EEA1: variants seen among roughly 807,000 people sequenced by gnomAD.
EEA1 encodes the protein early endosome antigen 1.
Under a neutral mutation model 209.2 loss-of-function variants are expected in EEA1, and 111 were observed. That is an observed-to-expected ratio of 0.53 (90% confidence interval 0.45 to 0.62). The LOEUF (loss-of-function observed/expected upper bound fraction) is 0.62, where lower values mean the gene tolerates loss of function less well. Among genes scored for constraint, EEA1 ranks in the 20% least tolerant of loss-of-function variants. The pLI is 0.00. For missense variants in EEA1, 1,343 were observed against 1,530.8 expected (o/e 0.88, Z 2.05); for synonymous variants, 536 against 540.6 (o/e 0.99, Z 0.12).
intron 2 of EEA1, among the ~76,000 whole-genome samples, chr12:92,885,609 GTCCCCAGTTAACAGCACCTCTCTAATGT>G (rs1287537939): frequency 6.6e-6 from 1 of 152,202 alleles, no homozygotes; most frequent in African/African-American, 2.4e-5. Flanking sequence ...ATTTACGGCA[GTCCCCAGTTAACAGCACCTCTCTAATGT>G]TCCCCAGTTA....
Position 92,788,283 on chromosome 12 carries a change from T to A in EEA1, c.2968-234A>T, listed in dbSNP as rs576417834. On this transcript the variant is annotated intron_variant, in intron 21 of 28. Coordinates refer to ENST00000322349, the MANE Select transcript of EEA1 (RefSeq NM_003566.4). ...AAAGTAATTAATTTTTTTTTTTTTT[T>A]AAAAAGGCATTTCACTGGGAAGTAC... is the stretch of plus-strand genomic sequence containing the variant. 3.2e-3 allele frequency among the ~76,000 whole-genome samples: 483 copies of A among 150,552 alleles called. 5 individuals are homozygous for A. The highest frequency in any genetic ancestry group is 8.7e-3 in the African/African-American group (354 of 40,598).
intron 24 of EEA1, 148 bp downstream of exon 24, chr12:92,780,132 T>C (rs899567974): frequency 1.6e-5 from 13 of 794,598 alleles, no homozygotes; most frequent in Non-Finnish European, 2.4e-5. Context: ...ACAAAAGCAC[T>C]CTGGCAAGAG....
At chr12:92,928,812 G>A (rs1182277925) in intron 1 of EEA1, among the ~76,000 whole-genome samples, 1 of 151,118 alleles carries the variant, frequency 6.6e-6, no homozygotes, top group African/African-American at 2.4e-5. Context: ...GCGCCGGAGC[G>A]GGCGCCAGGC....
At chr12:92,830,111 A>G (rs896712437) in intron 11 of EEA1, among the ~76,000 whole-genome samples, 1 of 152,110 alleles carries the variant, frequency 6.6e-6, no homozygotes, top group Non-Finnish European at 1.5e-5. Flanking sequence ...ATTACACAAC[A>G]CATACATGCA....
At chr12:92,802,370 C>A in intron 19 of EEA1, 34 bp downstream of exon 19, 1 of 1,514,276 alleles carries the variant, frequency 6.6e-7, no homozygotes, top group African/African-American at 1.4e-5. Flanking sequence ...AAAATAATCA[C>A]TTCTACCTAA....
In EEA1 at chr12:92,819,277, T is replaced by C. The variant is rs765300545; in HGVS notation, c.1728+31A>G. Reference sequence around the variant, plus strand: ...AAGACTTAGAGAGACAGAAGTAAATTTTACAAATATAATATATTTTACAAG... The same window carrying C: ...AAGACTTAGAGAGACAGAAGTAAATCTTACAAATATAATATATTTTACAAG... On this transcript the variant is annotated intron_variant, in intron 14 of 28. Transcript: ENST00000322349. 3.3e-6 allele frequency: 5 copies of C among 1,522,622 alleles called. No homozygotes were observed. In the Admixed American group the frequency reaches 8.3e-5, roughly 25 times the overall value. The allele number at this position is 1,522,622 out of a possible 1,614,324, so 94.3% of individuals were successfully genotyped here.
At chr12:92,859,242 C>T (rs1292952664) in intron 3 of EEA1, 2 of 1,611,666 alleles carry the variant, frequency 1.2e-6, no homozygotes, top group Non-Finnish European at 1.7e-6. Flanking sequence ...GGGACAGCTT[C>T]CCATGGGAAG....
At chr12:92,843,841 T>G (rs191774527) in intron 9 of EEA1, among the ~76,000 whole-genome samples, 234 of 152,280 alleles carry the variant, frequency 1.5e-3, no homozygotes, top group Middle Eastern at 0.014. Context: ...TACAAATGAG[T>G]GCTTTCATCT....
At chr12:92,780,460 A>G in intron 23 of EEA1, 49 bp from the exon 24 acceptor site, 2 of 1,271,144 alleles carry the variant, frequency 1.6e-6, no homozygotes, top group Non-Finnish European at 2.1e-6. Flanking sequence ...AAATACTTAA[A>G]TGAAAATGGG....
intron 19 of EEA1, 42 bp downstream of exon 19, chr12:92,802,362 A>G: frequency 6.7e-7 from 1 of 1,493,006 alleles, no homozygotes; most frequent in Non-Finnish European, 9.0e-7. Flanking sequence ...TTTTAAATAA[A>G]ATAATCACTT....
chr12:92,868,727 A>T (rs1250915654), intron 2 of EEA1, among the ~76,000 whole-genome samples: 1 of 152,246 alleles, frequency 6.6e-6, no homozygotes, highest in African/African-American at 2.4e-5. Context: ...AATAAAACTT[A>T]AATTTGGGGA....
chr12:92,778,400 G>C (rs1220565564), intron 25 of EEA1, among the ~76,000 whole-genome samples: 1 of 151,982 alleles, frequency 6.6e-6, no homozygotes, highest in Non-Finnish European at 1.5e-5. Context: ...TGACCATCAT[G>C]ATGGTGAGCT....
rs151242628 is a variant in EEA1, at chr12:92,896,787, A to C, written c.25-5066T>G. 2.9e-4 allele frequency among the ~76,000 whole-genome samples: 44 copies of C among 152,166 alleles called. 1 individual carries two copies. In the East Asian group the frequency reaches 8.5e-3, roughly 29 times the overall value. On this transcript the variant is annotated intron_variant, in intron 1 of 28. Coordinates refer to ENST00000322349, the MANE Select transcript of EEA1 (RefSeq NM_003566.4). ...CTGAAAGAAAAGAAAAAAAGAAAAA[A>C]AAAGAAATTGACACAGCTATCCCAA...
chr12:92,827,637 G>C (rs1876379425), intron 12 of EEA1, among the ~76,000 whole-genome samples: 1 of 152,122 alleles, frequency 6.6e-6, no homozygotes, highest in South Asian at 2.1e-4. Context: ...TTCCTGAGTA[G>C]GAAGACTCTA....
At chr12:92,797,247 C>T (rs1874694272) in intron 21 of EEA1, among the ~76,000 whole-genome samples, 2 of 152,062 alleles carry the variant, frequency 1.3e-5, no homozygotes, top group Admixed American at 6.6e-5. Flanking sequence ...ACCACCATGC[C>T]CAGCTAATTT....
chr12:92,826,320 A>T, intron 12 of EEA1, 35 bp from the exon 13 acceptor site: 1 of 1,583,552 alleles, frequency 6.3e-7, no homozygotes, highest in Non-Finnish European at 8.7e-7. Context: ...TGAGAACTTA[A>T]AGGCATAATG....
chr12:92,852,900 A>C lies in EEA1; in HGVS notation c.520+12T>G. On this transcript the variant is annotated intron_variant, in intron 7 of 28. Transcript: ENST00000322349. ...ATTGATTTATTGGCTAAAAAATTCT[A>C]ACTCAATTTACCTGCAATTTCAGTA... 6.3e-7 allele frequency: 1 copy of C among 1,589,720 alleles called. No homozygotes were observed. Among genetic ancestry groups the C allele is most frequent in the Non-Finnish European group, 8.6e-7 (1 of 1,161,842 alleles).
At chr12:92,876,301 G>C (rs1004684493) in intron 2 of EEA1, among the ~76,000 whole-genome samples, 1 of 152,038 alleles carries the variant, frequency 6.6e-6, no homozygotes, top group Non-Finnish European at 1.5e-5. Flanking sequence ...GGTCTTAGGC[G>C]ATCCTCCCAC....
At chr12:92,871,441 C>T (rs541597266) in intron 2 of EEA1, among the ~76,000 whole-genome samples, 21 of 152,164 alleles carry the variant, frequency 1.4e-4, no homozygotes, top group Non-Finnish European at 2.9e-4. Context: ...AGTTCCTGTC[C>T]TCTTGTTTCA....
Sources: allele counts gnomAD v4.1 joint callset (sites outside exome capture counted in the v4.1 genomes callset), GRCh38; gene constraint gnomAD v4.1.1; transcripts MANE v1.5; gene names NCBI Gene and HGNC (gene_info 2026-07-23, HGNC 2026-07-21).